The following NUBPL variants were observed in gnomAD, a reference collection of about 807,000 sequenced individuals.
The protein encoded by NUBPL is iron-sulfur cluster transfer protein NUBPL.
Under a neutral mutation model 45.7 loss-of-function variants are expected in NUBPL, and 31 were observed. The ratio of observed to expected loss-of-function variants is 0.68; its 90% CI spans 0.51 to 0.92. The LOEUF (loss-of-function observed/expected upper bound fraction) is 0.92. Ranked by LOEUF, NUBPL falls within the 40% of genes least tolerant of loss-of-function variation. The pLI is 0.00. For synonymous variants in NUBPL, 144 were observed against 140.9 expected (o/e 1.02, Z -0.15); for missense variants, 401 against 398.7 (o/e 1.01, Z -0.05).
At chr14:31,839,831 A>G (rs2040340296) in intron 8 of NUBPL, among the ~76,000 whole-genome samples, 3 of 152,186 alleles carry the variant, frequency 2.0e-5, no homozygotes, top group Non-Finnish European at 4.4e-5. Context: ...GCCAACAGGT[A>G]TGTGAAAAAA....
intron 6 of NUBPL, among the ~76,000 whole-genome samples, chr14:31,689,302 T>G (rs1160789026): frequency 6.6e-6 from 1 of 151,690 alleles, no homozygotes; most frequent in Non-Finnish European, 1.5e-5. Context: ...ATATAAGTGT[T>G]CCCTTTTCCC....
intron 7 of NUBPL, among the ~76,000 whole-genome samples, chr14:31,819,198 G>A (rs190879049): frequency 9.0e-4 from 137 of 152,278 alleles, no homozygotes; most frequent in Middle Eastern, 3.4e-3. Context: ...CTACTTTATA[G>A]TTAATAGAAA....
rs150390240 is a variant in NUBPL, at chr14:31,680,373, T to C, written c.513+6799T>C. ...AAGATGATAGCTGTATCATGCCCTCTCTCAGGTTAGGAAGTTCCTTCCTGT... is the reference window on the plus strand; with the variant it reads ...AAGATGATAGCTGTATCATGCCCTCCCTCAGGTTAGGAAGTTCCTTCCTGT... On this transcript the variant is annotated intron_variant, in intron 6 of 10. Transcript: ENST00000281081. Among the ~76,000 whole-genome samples, 6 of 152,252 alleles carry C rather than the reference T, an allele frequency of 3.9e-5. No homozygotes were observed. The East Asian group carries it at 1.2e-3, about 29-fold the overall frequency.
intron 4 of NUBPL, among the ~76,000 whole-genome samples, chr14:31,665,985 CTTAT>C (rs1403368109): frequency 6.6e-6 from 1 of 151,628 alleles, no homozygotes; most frequent in Non-Finnish European, 1.5e-5. Context: ...ATGTAATGCT[CTTAT>C]TTGTCTTTTT....
chr14:31,619,630 G>A (rs1269147026), intron 4 of NUBPL, among the ~76,000 whole-genome samples: 1 of 152,176 alleles, frequency 6.6e-6, no homozygotes, highest in South Asian at 2.1e-4. Flanking sequence ...CTTCTGGCTT[G>A]TAGGGTTTCT....
At chr14:31,638,378 G>A (rs912279694) in intron 4 of NUBPL, among the ~76,000 whole-genome samples, 1 of 151,518 alleles carries the variant, frequency 6.6e-6, no homozygotes, top group African/African-American at 2.4e-5. Flanking sequence ...GAAATTCTGG[G>A]TTGAAAATTC....
chr14:31,783,483 A>AT, intron 6 of NUBPL, among the ~76,000 whole-genome samples: 2 of 144,370 alleles, frequency 1.4e-5, no homozygotes, highest in East Asian at 4.1e-4. Flanking sequence ...ACTGTGAAGT[A>AT]TTTTTTGTTC....
chr14:31,657,116 G>A (rs1460106906), intron 4 of NUBPL, among the ~76,000 whole-genome samples: 1 of 152,162 alleles, frequency 6.6e-6, no homozygotes, highest in Admixed American at 6.5e-5. Context: ...AATCTTTAAT[G>A]TAGTCACTGT....
chr14:31,603,099 C>T (rs1255387906), intron 4 of NUBPL, among the ~76,000 whole-genome samples: 1 of 151,524 alleles, frequency 6.6e-6, no homozygotes, highest in Non-Finnish European at 1.5e-5. Context: ...ACAGCTTGAG[C>T]CCAGGAGTTC....
At chr14:31,610,034 C>T (rs997269424) in intron 4 of NUBPL, among the ~76,000 whole-genome samples, 6 of 151,700 alleles carry the variant, frequency 4.0e-5, no homozygotes, top group Non-Finnish European at 7.4e-5. Context: ...GCAAACTACA[C>T]CCGAAATTAG....
chr14:31,753,423 T>C (rs1449655461), intron 6 of NUBPL, among the ~76,000 whole-genome samples: 1 of 152,032 alleles, frequency 6.6e-6, no homozygotes, highest in Non-Finnish European at 1.5e-5. Flanking sequence ...CTAGCCTGCT[T>C]TCTGTGCTAG....
intron 3 of NUBPL, among the ~76,000 whole-genome samples, chr14:31,587,790 T>C (rs1398597931): frequency 6.6e-6 from 1 of 152,214 alleles, no homozygotes; most frequent in African/African-American, 2.4e-5. Flanking sequence ...AACCTTAAAC[T>C]ATACATGGTT....
chr14:31,570,512 A>C (rs1267391102), intron 3 of NUBPL, among the ~76,000 whole-genome samples: 1 of 152,214 alleles, frequency 6.6e-6, no homozygotes, highest in Non-Finnish European at 1.5e-5. Flanking sequence ...ATTTTCATGA[A>C]CATAATTATA....
intron 6 of NUBPL, among the ~76,000 whole-genome samples, chr14:31,749,484 G>A (rs1315950090): frequency 1.3e-5 from 2 of 151,970 alleles, no homozygotes; most frequent in African/African-American, 4.8e-5. Flanking sequence ...TTCTTGTTTG[G>A]CAGTTTATTT....
At chr14:31,859,040 C>A in intron 10 of NUBPL, 78 bp from the exon 11 acceptor site, 1 of 1,237,676 alleles carries the variant, frequency 8.1e-7, no homozygotes. Flanking sequence ...TACAGTGGGC[C>A]TCTATAACAA....
chr14:31,566,312 A>G (rs934831485), intron 3 of NUBPL, among the ~76,000 whole-genome samples: 1 of 152,178 alleles, frequency 6.6e-6, no homozygotes, highest in Admixed American at 6.5e-5. Flanking sequence ...AACAAGATTT[A>G]TAATATTTTG....
chr14:31,601,248 G>A (rs1438754364), intron 4 of NUBPL, among the ~76,000 whole-genome samples: 1 of 152,020 alleles, frequency 6.6e-6, no homozygotes, highest in Non-Finnish European at 1.5e-5. Flanking sequence ...CTCTTTTTTG[G>A]TTCCATATGA....
intron 6 of NUBPL, among the ~76,000 whole-genome samples, chr14:31,703,570 A>G (rs113285738): frequency 2.6e-5 from 4 of 152,186 alleles, no homozygotes; most frequent in Non-Finnish European, 4.4e-5. Context: ...TCTTACATGG[A>G]TGGCCGCAGA....
intron 4 of NUBPL, among the ~76,000 whole-genome samples, chr14:31,651,136 T>A (rs2035992848): frequency 6.6e-6 from 1 of 152,086 alleles, no homozygotes. Context: ...GTCTTTGGAT[T>A]TTTTTTTGTT....
Sources: gnomAD v4.1 joint callset for allele counts (sites outside exome capture counted in the v4.1 genomes callset) on GRCh38, gnomAD v4.1.1 for gene constraint, MANE v1.5 for transcripts, NCBI Gene and HGNC (gene_info 2026-07-23, HGNC 2026-07-21) for gene names.